Variants in RAD51B observed in about 807,000 individuals in gnomAD.
RAD51B encodes RAD51 paralog B.
Under a neutral mutation model 42.2 loss-of-function variants are expected in RAD51B, and 38 were observed. The ratio of observed to expected loss-of-function variants is 0.90; its 90% CI spans 0.70 to 1.18. The LOEUF (loss-of-function observed/expected upper bound fraction) is 1.18. Ranked by LOEUF, RAD51B falls within the 50% of genes most tolerant of loss-of-function variation. RAD51B has a pLI of 0.00. For missense variants in RAD51B, 373 were observed against 400.7 expected, an observed-to-expected ratio of 0.93 and a Z score of 0.59; for synonymous variants, 154 against 145.2, an observed-to-expected ratio of 1.06 and a Z score of -0.43.
chr14:67,920,477 T>A (rs185453561), intron 7 of RAD51B, among the ~76,000 whole-genome samples: 3 of 152,172 alleles, frequency 2.0e-5, no homozygotes, highest in Admixed American at 2.0e-4. Flanking sequence ...ATAAATATGG[T>A]TTATGGTTAT....
At chr14:68,600,593 T>C (rs1401502054), downstream of RAD51B, among the ~76,000 whole-genome samples, 1 of 152,160 alleles carries the variant, frequency 6.6e-6, no homozygotes, top group Non-Finnish European at 1.5e-5. Flanking sequence ...GTAGAGGGCT[T>C]TGTGGATCAC....
chr14:68,481,545 A>G (rs556973822), downstream of RAD51B, among the ~76,000 whole-genome samples: 2 of 152,328 alleles, frequency 1.3e-5, no homozygotes, highest in South Asian at 4.1e-4. Flanking sequence ...ACTGCCTCTG[A>G]TATGGAGCAC....
intron 7 of RAD51B, among the ~76,000 whole-genome samples, chr14:67,927,232 T>C (rs567371964): frequency 1.2e-4 from 18 of 152,340 alleles, no homozygotes; most frequent in Non-Finnish European, 2.5e-4. Flanking sequence ...TCTTTAATTG[T>C]CATATTTTAT....
chr14:68,139,662 C>T (rs1356618199), intron 7 of RAD51B, among the ~76,000 whole-genome samples: 1 of 152,212 alleles, frequency 6.6e-6, no homozygotes, highest in East Asian at 1.9e-4. Context: ...CAATTTCTCC[C>T]ACCTGAACCA....
chr14:68,063,777 C>T (rs1373305809), intron 7 of RAD51B, among the ~76,000 whole-genome samples: 3 of 152,156 alleles, frequency 2.0e-5, no homozygotes, highest in Non-Finnish European at 4.4e-5. Flanking sequence ...GGCACCTCCT[C>T]TTGTAGGAAG....
chr14:67,841,219 T>C (rs1375067709), intron 4 of RAD51B, among the ~76,000 whole-genome samples: 1 of 152,220 alleles, frequency 6.6e-6, no homozygotes, highest in Non-Finnish European at 1.5e-5. Context: ...TGGCCACATG[T>C]ATGTCTTCTT....
At chr14:68,540,435 C>A in intron 10 of RAD51B, 1 of 985,282 alleles carries the variant, frequency 1.0e-6, no homozygotes, top group Non-Finnish European at 1.2e-6. Flanking sequence ...ATTTGATTCA[C>A]TTGCCACCTT....
chr14:68,022,260 A>AT (rs2075879403), intron 7 of RAD51B, among the ~76,000 whole-genome samples: 1 of 152,110 alleles, frequency 6.6e-6, no homozygotes, highest in East Asian at 1.9e-4. Context: ...AAAGGACATG[A>AT]TTTTATTCTT....
intron 8 of RAD51B, among the ~76,000 whole-genome samples, chr14:68,329,283 C>T (rs2082302760): frequency 6.6e-6 from 1 of 152,198 alleles, no homozygotes; most frequent in African/African-American, 2.4e-5. Context: ...GCTGGAATTA[C>T]AGGCATGAGC....
intron 10 of RAD51B, among the ~76,000 whole-genome samples, chr14:68,649,714 C>T (rs1053544187): frequency 1.3e-5 from 2 of 152,116 alleles, no homozygotes; most frequent in East Asian, 1.9e-4. Flanking sequence ...GGAGGTGAGT[C>T]GCGTGCTCTC....
intron 10 of RAD51B, among the ~76,000 whole-genome samples, chr14:68,490,468 T>C (rs1253765277): frequency 6.6e-6 from 1 of 152,202 alleles, no homozygotes; most frequent in Non-Finnish European, 1.5e-5. Context: ...AGAAAGTATA[T>C]GCTAATTATA....
chr14:68,563,629 G>T, intron 10 of RAD51B: 1 of 985,440 alleles, frequency 1.0e-6, no homozygotes. Flanking sequence ...GTGAGATTTG[G>T]CTTGAAAAAT....
intron 7 of RAD51B, among the ~76,000 whole-genome samples, chr14:68,023,720 T>A (rs2075905966): frequency 1.3e-5 from 2 of 152,192 alleles, no homozygotes; most frequent in South Asian, 4.1e-4. Context: ...ATTGTTTAAA[T>A]TCCTTATAGA....
intron 10 of RAD51B, chr14:68,563,539 T>G (rs994221175): frequency 2.0e-6 from 2 of 985,372 alleles, no homozygotes; most frequent in African/African-American, 3.5e-5. Flanking sequence ...TTAATTCATT[T>G]TTTTCTCCAG....
At chr14:67,940,293 T>C (rs28474995) in intron 7 of RAD51B, among the ~76,000 whole-genome samples, 40,914 of 150,284 alleles carry the variant, frequency 0.27, 7,219 homozygotes, top group African/African-American at 0.5. Flanking sequence ...AGGTTGGTCT[T>C]GAACTCCTGA....
chr14:68,479,841 T>A (rs1239569583), downstream of RAD51B, among the ~76,000 whole-genome samples: 2 of 151,526 alleles, frequency 1.3e-5, no homozygotes, highest in African/African-American at 4.9e-5. Flanking sequence ...GCTAATTTTT[T>A]ATTTTTTGTA....
intron 7 of RAD51B, among the ~76,000 whole-genome samples, chr14:68,162,934 G>A (rs1450206317): frequency 6.6e-6 from 1 of 152,188 alleles, no homozygotes; most frequent in Non-Finnish European, 1.5e-5. Context: ...AATAATGAAA[G>A]CAGAAGAATG....
At chr14:67,854,437 C>T (rs1026705929) in intron 4 of RAD51B, among the ~76,000 whole-genome samples, 1 of 151,624 alleles carries the variant, frequency 6.6e-6, no homozygotes, top group African/African-American at 2.4e-5. Flanking sequence ...AGTTTGAGAC[C>T]AGCCTGCCCA....
chr14:68,252,442 C>G (rs2080654459), intron 7 of RAD51B, among the ~76,000 whole-genome samples: 1 of 152,206 alleles, frequency 6.6e-6, no homozygotes, highest in South Asian at 2.1e-4. Flanking sequence ...ATACACTCCT[C>G]CAAGCCTTAC....
Sources: allele counts gnomAD v4.1 joint callset (sites outside exome capture counted in the v4.1 genomes callset), GRCh38; gene constraint gnomAD v4.1.1; transcripts MANE v1.5; gene names NCBI Gene and HGNC (gene_info 2026-07-23, HGNC 2026-07-21).